The following NKAIN3 variants were observed in gnomAD, a reference collection of about 807,000 sequenced individuals.
NKAIN3 encodes the protein sodium/potassium transporting ATPase interacting 3, also known as sodium/potassium-transporting ATPase subunit beta-1-interacting protein 3.
NKAIN3 carries 25 observed loss-of-function variants against 30.2 expected under a neutral mutation model. That is an observed-to-expected ratio of 0.83 (90% CI 0.60 to 1.16). The LOEUF (loss-of-function observed/expected upper bound fraction) is 1.16. Ranked by LOEUF, NKAIN3 falls within the 50% of genes most tolerant of loss-of-function variation. The pLI, the probability that NKAIN3 is intolerant of heterozygous loss-of-function variation, is 0.00. For missense variants in NKAIN3, 225 were observed against 254.1 expected, an observed-to-expected ratio of 0.89 and a Z score of 0.78; for synonymous variants, 91 against 89.6, an observed-to-expected ratio of 1.02 and a Z score of -0.09.
At chr8:62,258,688 G>T (rs1174172193) in intron 1 of NKAIN3, among the ~76,000 whole-genome samples, 1 of 151,834 alleles carries the variant, frequency 6.6e-6, no homozygotes, top group South Asian at 2.1e-4. Context: ...AAAGAATAAG[G>T]TTTACAAGCA....
chr8:62,263,006 C>G (rs895376915), intron 1 of NKAIN3, among the ~76,000 whole-genome samples: 2 of 152,046 alleles, frequency 1.3e-5, no homozygotes, highest in African/African-American at 2.4e-5. Context: ...AGTATATTTT[C>G]CTTATTGATG....
intron 1 of NKAIN3, among the ~76,000 whole-genome samples, chr8:62,295,690 A>C (rs1813803538): frequency 6.6e-6 from 1 of 152,168 alleles, no homozygotes. Flanking sequence ...TGTTTGTTGG[A>C]TTCTATTAGC....
chr8:62,599,665 G>T (rs889965624), intron 3 of NKAIN3, among the ~76,000 whole-genome samples: 1 of 151,950 alleles, frequency 6.6e-6, no homozygotes, highest in Non-Finnish European at 1.5e-5. Context: ...TGAGTGACTC[G>T]TTTAAAAATA....
At chr8:62,458,507 A>T (rs1341165610) in intron 1 of NKAIN3, among the ~76,000 whole-genome samples, 1 of 152,224 alleles carries the variant, frequency 6.6e-6, no homozygotes, top group East Asian at 1.9e-4. Flanking sequence ...TTAGTACCAG[A>T]CCTTGAGTCA....
intron 1 of NKAIN3, among the ~76,000 whole-genome samples, chr8:62,427,133 G>A (rs1351261586): frequency 6.6e-6 from 1 of 152,032 alleles, no homozygotes; most frequent in Non-Finnish European, 1.5e-5. Context: ...ACAAATACAG[G>A]CTTTTGATAT....
chr8:62,440,392 T>C (rs1805287829), intron 1 of NKAIN3, among the ~76,000 whole-genome samples: 1 of 152,184 alleles, frequency 6.6e-6, no homozygotes, highest in Non-Finnish European at 1.5e-5. Flanking sequence ...TTTTTGTTAG[T>C]AGATATGGAA....
At chr8:62,548,457 G>C (rs142979597) in intron 1 of NKAIN3, among the ~76,000 whole-genome samples, 15 of 152,168 alleles carry the variant, frequency 9.9e-5, no homozygotes, top group Admixed American at 8.5e-4. Flanking sequence ...ACAGAGCCAC[G>C]GCTCCCCCTG....
At chr8:62,916,572 A>G (rs4623409) in intron 4 of NKAIN3, among the ~76,000 whole-genome samples, 80,724 of 151,970 alleles carry the variant, frequency 0.53, 21,811 homozygotes, top group East Asian at 0.71. Context: ...CCTTTGGATC[A>G]TATTTCAAGC....
chr8:62,776,423 G>A (rs748660455), intron 4 of NKAIN3, among the ~76,000 whole-genome samples: 28 of 151,658 alleles, frequency 1.8e-4, no homozygotes, highest in Non-Finnish European at 3.8e-4. Context: ...TTAATTTCTG[G>A]CTTAGTTTGT....
chr8:62,569,782 A>G lies in NKAIN3; in HGVS notation c.55-9757A>G, dbSNP rs537645716. Among the ~76,000 whole-genome samples, 263 of 152,266 alleles carry G rather than the reference A, an allele frequency of 1.7e-3. 1 individual carries two copies. The highest frequency in any genetic ancestry group is 3.2e-3 in the Non-Finnish European group (217 of 68,016). On this transcript the variant is annotated intron_variant, in intron 1 of 6. Coordinates refer to ENST00000623646, the MANE Select transcript of NKAIN3 (RefSeq NM_001304533.3). ...TAGAGTGAGACTGTCTGAAAAAAAA[A>G]AAAAGCCTACTTCAGTAACCCAAGA...
At chr8:62,293,657 G>T (rs1813726424) in intron 1 of NKAIN3, among the ~76,000 whole-genome samples, 13 of 152,162 alleles carry the variant, frequency 8.5e-5, no homozygotes, top group Admixed American at 8.5e-4. Context: ...ATTGGGAGGT[G>T]TCTCCCAGTT....
At chr8:62,907,467 G>A (rs1821813141) in intron 4 of NKAIN3, among the ~76,000 whole-genome samples, 1 of 152,124 alleles carries the variant, frequency 6.6e-6, no homozygotes, top group Non-Finnish European at 1.5e-5. Context: ...TTAATTGCTG[G>A]AACAATGGGG....
chr8:62,424,913 C>G (rs1475241718), intron 1 of NKAIN3, among the ~76,000 whole-genome samples: 1 of 151,708 alleles, frequency 6.6e-6, no homozygotes, highest in Non-Finnish European at 1.5e-5. Flanking sequence ...TGAATAGATA[C>G]AGAAACTATG....
At chr8:62,886,868 C>T (rs1444925844) in intron 4 of NKAIN3, among the ~76,000 whole-genome samples, 1 of 152,088 alleles carries the variant, frequency 6.6e-6, no homozygotes, top group Non-Finnish European at 1.5e-5. Flanking sequence ...TCCCTGGGTC[C>T]CTGTGTTCTC....
At chr8:62,520,098 A>T (rs543063668) in intron 1 of NKAIN3, among the ~76,000 whole-genome samples, 6 of 152,258 alleles carry the variant, frequency 3.9e-5, no homozygotes, top group East Asian at 1.9e-4. Context: ...TATACATTAG[A>T]TGTATGTCAC....
chr8:62,347,393 A>G (rs1369141024), intron 1 of NKAIN3, among the ~76,000 whole-genome samples: 1 of 152,172 alleles, frequency 6.6e-6, no homozygotes, highest in Non-Finnish European at 1.5e-5. Context: ...AAAGAAAAAG[A>G]TATCAGAATA....
At chr8:62,476,793 T>C (rs1806534361) in intron 1 of NKAIN3, among the ~76,000 whole-genome samples, 1 of 152,178 alleles carries the variant, frequency 6.6e-6, no homozygotes, top group African/African-American at 2.4e-5. Flanking sequence ...CTGCCTCATA[T>C]ACAGCTTTTT....
At chr8:62,515,508 C>T (rs1399701660) in intron 1 of NKAIN3, among the ~76,000 whole-genome samples, 1 of 152,106 alleles carries the variant, frequency 6.6e-6, no homozygotes, top group Non-Finnish European at 1.5e-5. Flanking sequence ...TCAGGGGATA[C>T]ATGTGCAGTC....
chr8:62,679,279 C>A (rs932006722), intron 3 of NKAIN3, among the ~76,000 whole-genome samples: 1 of 152,052 alleles, frequency 6.6e-6, no homozygotes, highest in Non-Finnish European at 1.5e-5. Context: ...ATATGCTTCC[C>A]ATACAGAAGT....
Sources: gnomAD v4.1 joint callset for allele counts (sites outside exome capture counted in the v4.1 genomes callset) on GRCh38, gnomAD v4.1.1 for gene constraint, MANE v1.5 for transcripts, NCBI Gene and HGNC (gene_info 2026-07-23, HGNC 2026-07-21) for gene names.